Variants in DHX9 observed in about 807,000 individuals in gnomAD.
DHX9 encodes DExH-box helicase 9.
In DHX9, 27 loss-of-function variants were observed where a neutral mutation model predicts 148.7. That is an observed-to-expected ratio of 0.18 (90% CI 0.13 to 0.25). The LOEUF is 0.25. Among genes scored for constraint, DHX9 ranks in the 10% least tolerant of loss-of-function variants. The probability of loss-of-function intolerance (pLI) is 1.00; values close to 1 mark genes in which losing one functional copy is unlikely to be tolerated. For missense variants in DHX9, 796 were observed against 1,559.6 expected (o/e 0.51, Z 8.25); for synonymous variants, 529 against 516.6 (o/e 1.02, Z -0.33).
At chr1:182,868,715 C>G (rs1648411344) in intron 14 of DHX9, among the ~76,000 whole-genome samples, 1 of 151,966 alleles carries the variant, frequency 6.6e-6, no homozygotes, top group Non-Finnish European at 1.5e-5. Flanking sequence ...GAGGATTTCA[C>G]CATGTTGGCC....
rs1242131992 is a variant in DHX9, at chr1:182,880,488, TC to T, written c.2513-5del. The T allele has an allele frequency of 6.3e-7, 1 of 1,579,696 alleles. No individual in the cohort carries two copies. Among genetic ancestry groups the T allele is most frequent in the Non-Finnish European group, 8.7e-7 (1 of 1,151,592 alleles). On this transcript the variant is annotated splice_region_variant and splice_polypyrimidine_tract_variant and intron_variant, in intron 21 of 27. Coordinates refer to ENST00000367549, the MANE Select transcript of DHX9 (RefSeq NM_001357.5). ...TTGTTTCTGCTCACAAAGAACTATCTCCCCACAGAGCTTGATGCATTAGATG... is the reference window on the plus strand; with the variant it reads ...TTGTTTCTGCTCACAAAGAACTATCTCCCACAGAGCTTGATGCATTAGATG...
intron 3 of DHX9, among the ~76,000 whole-genome samples, chr1:182,845,472 A>C (rs1272332839): frequency 6.6e-6 from 1 of 152,084 alleles, no homozygotes; most frequent in African/African-American, 2.4e-5. Flanking sequence ...TACCACAACA[A>C]TCAACAAAGA....
intron 13 of DHX9, 143 bp from the exon 14 acceptor site, chr1:182,866,818 A>G: frequency 3.9e-6 from 3 of 772,208 alleles, no homozygotes; most frequent in East Asian, 2.6e-5. Flanking sequence ...TTCATAGTAC[A>G]CTATCACTTT....
chr1:182,853,487 G>A (rs937248923), intron 5 of DHX9, 69 bp downstream of exon 5: 1 of 1,174,042 alleles, frequency 8.5e-7, no homozygotes, highest in Non-Finnish European at 1.2e-6. Context: ...CAAAGCTTAG[G>A]ATTAGGATAT....
chr1:182,861,314 T>C (rs1668359448), intron 12 of DHX9, among the ~76,000 whole-genome samples: 1 of 152,162 alleles, frequency 6.6e-6, no homozygotes, highest in Non-Finnish European at 1.5e-5. Context: ...GTTCACAAAA[T>C]TTTCTTTGAT....
At chr1:182,881,784 G>A (rs566652753) in intron 24 of DHX9, 137 bp downstream of exon 24, 25 of 886,174 alleles carry the variant, frequency 2.8e-5, no homozygotes, top group Middle Eastern at 3.5e-4. Flanking sequence ...CTTAGTTCTC[G>A]TGAACACTGG....
intron 3 of DHX9, 110 bp downstream of exon 3, chr1:182,843,544 T>C (rs1016294142): frequency 8.7e-7 from 1 of 1,145,982 alleles, no homozygotes; most frequent in Admixed American, 3.0e-5. Flanking sequence ...ATATATCGTG[T>C]TTCGTAATGA....
intron 6 of DHX9, among the ~76,000 whole-genome samples, chr1:182,856,329 A>G (rs771017314): frequency 3.9e-5 from 6 of 152,166 alleles, no homozygotes; most frequent in Non-Finnish European, 5.9e-5. Context: ...ATCAACTTTG[A>G]TTATAGTTGT....
At chr1:182,881,705 A>G (rs1034906815) in intron 24 of DHX9, 58 bp downstream of exon 24, 5 of 1,499,120 alleles carry the variant, frequency 3.3e-6, no homozygotes, top group African/African-American at 1.4e-5. Context: ...AGTACATGCA[A>G]ATTGACAGCA....
chr1:182,840,761 C>T (rs1667911605), intron 1 of DHX9, among the ~76,000 whole-genome samples: 1 of 152,144 alleles, frequency 6.6e-6, no homozygotes, highest in Admixed American at 6.5e-5. Flanking sequence ...TTGTTTGACA[C>T]ACATTAAGGG....
intron 4 of DHX9, 110 bp downstream of exon 4, chr1:182,852,454 TAA>T (rs1199019223): frequency 1.4e-6 from 1 of 694,264 alleles, no homozygotes; most frequent in African/African-American, 1.8e-5. Flanking sequence ...CTCTTGATGT[TAA>T]GAGACAACCC....
chr1:182,887,565 G>A lies in DHX9; in HGVS notation c.*131G>A, dbSNP rs376006415. Reference sequence around the variant, plus strand: ...ATTTTCACCCATTCTGTGGTTCATTGTAGTTTAAGGAAACCAAGCATATAG... The same window carrying A: ...ATTTTCACCCATTCTGTGGTTCATTATAGTTTAAGGAAACCAAGCATATAG... On this transcript the variant is annotated 3_prime_UTR_variant, in exon 28 of 28. Transcript: ENST00000367549. 5.0e-5 allele frequency: 39 copies of A among 784,296 alleles called. No individual in the cohort carries two copies. In the East Asian group the frequency reaches 6.7e-4, roughly 14 times the overall value. 48.6% of individuals were successfully genotyped at this position (784,296 alleles called of 1,614,324 possible).
intron 27 of DHX9, among the ~76,000 whole-genome samples, chr1:182,886,803 CTT>C (rs1479210852): frequency 6.6e-6 from 1 of 152,192 alleles, no homozygotes; most frequent in Non-Finnish European, 1.5e-5. Flanking sequence ...TCTTGGAACA[CTT>C]ATGTTATTGA....
At chr1:182,878,301 G>A in intron 20 of DHX9, 128 bp downstream of exon 20, 4 of 1,061,084 alleles carry the variant, frequency 3.8e-6, no homozygotes, top group South Asian at 1.7e-5. Flanking sequence ...GGAATCAGGT[G>A]TAAATGTTTC....
chr1:182,860,498 C>T (rs925466019), intron 12 of DHX9, among the ~76,000 whole-genome samples: 6 of 152,142 alleles, frequency 3.9e-5, no homozygotes, highest in Admixed American at 2.0e-4. Flanking sequence ...TATCTAACCA[C>T]CTTGATATTG....
chr1:182,885,766 T>G (rs2102623863), intron 27 of DHX9, among the ~76,000 whole-genome samples: 1 of 152,298 alleles, frequency 6.6e-6, no homozygotes, highest in South Asian at 2.1e-4. Flanking sequence ...GCAACATGGC[T>G]CCTGAAACAG....
chr1:182,869,713 G>A (rs888823650), intron 14 of DHX9, among the ~76,000 whole-genome samples: 6 of 152,178 alleles, frequency 3.9e-5, no homozygotes, highest in Non-Finnish European at 7.3e-5. Flanking sequence ...GAGTTCAGGC[G>A]ATTCTCCTAC....
intron 14 of DHX9, among the ~76,000 whole-genome samples, chr1:182,870,711 A>T (rs1280723223): frequency 6.6e-6 from 1 of 152,246 alleles, no homozygotes; most frequent in Non-Finnish European, 1.5e-5. Flanking sequence ...TGAAGTAGAA[A>T]ATATAAAAAT....
Position 182,843,407 on chromosome 1 carries a change from A to G in DHX9, c.225A>G (p.Ile75Met), listed in dbSNP as rs757299765. 5 of 1,603,728 alleles carry G rather than the reference A, an allele frequency of 3.1e-6. No individual in the cohort carries two copies. The highest frequency in any genetic ancestry group is 4.2e-6 in the Non-Finnish European group (5 of 1,176,544). Residue 75 changes from isoleucine to methionine, a missense_variant, in exon 3 of 28, where the codon ATA becomes ATG. Ile to Met is a conservative substitution (Grantham distance 10). Transcript: ENST00000367549. The stretch of plus-strand genomic sequence containing the variant: ...ACTATTTGGTTCGAATAAATGAAAT[A>G]AAGAGTGAAGAAGTTCCAGCTTTTG... ...FVNYLVRINEIKSEEVPAFGV... is the reference protein window; with the variant it reads ...FVNYLVRINEMKSEEVPAFGV...
Sources: allele counts gnomAD v4.1 joint callset (sites outside exome capture counted in the v4.1 genomes callset), GRCh38; gene constraint gnomAD v4.1.1; transcripts MANE v1.5; gene names NCBI Gene and HGNC (gene_info 2026-07-23, HGNC 2026-07-21).